Variants in ZNF544 observed in about 807,000 individuals in gnomAD.
The protein encoded by ZNF544 is zinc finger protein AF020591.
Under a neutral mutation model 13.5 loss-of-function variants are expected in ZNF544, and 10 were observed. That is an observed-to-expected ratio of 0.74 (90% CI 0.46 to 1.25). ZNF544 has a LOEUF of 1.25. Among genes scored for constraint, ZNF544 ranks in the 50% most tolerant of loss-of-function variants. The pLI, the probability that ZNF544 is intolerant of heterozygous loss-of-function variation, is 0.00. For missense variants in ZNF544, 896 were observed against 845.6 expected (o/e 1.06, Z -0.74); for synonymous variants, 323 against 300.5 (o/e 1.07, Z -0.77).
At chr19:58,242,297 T>TG (rs2044059915) in intron 3 of ZNF544, 1 of 984,804 alleles carries the variant, frequency 1.0e-6, no homozygotes, top group Admixed American at 6.2e-5. Context: ...TCCCAAGCCT[T>TG]TGAAGGGAAA....
intron 5 of ZNF544, among the ~76,000 whole-genome samples, chr19:58,276,069 C>T (rs887956532): frequency 2.6e-5 from 4 of 152,114 alleles, no homozygotes; most frequent in Non-Finnish European, 2.9e-5. Context: ...CCCAGCTACT[C>T]AGGAGGCTAA....
intron 6 of ZNF544, among the ~76,000 whole-genome samples, chr19:58,253,521 C>A (rs966734135): frequency 6.6e-6 from 1 of 152,202 alleles, no homozygotes; most frequent in African/African-American, 2.4e-5. Context: ...TCACTGCAAC[C>A]TTCATCTCCT....
downstream of ZNF544, chr19:58,263,645 T>TG: frequency 1.1e-6 from 1 of 931,612 alleles, no homozygotes; most frequent in Non-Finnish European, 1.3e-6. Flanking sequence ...GGCAGTAAAA[T>TG]CCAGGAGTCT....
At chr19:58,230,813 T>A (rs1178879125) in intron 3 of ZNF544, among the ~76,000 whole-genome samples, 1 of 152,128 alleles carries the variant, frequency 6.6e-6, no homozygotes, top group Non-Finnish European at 1.5e-5. Context: ...TGGATTCATC[T>A]TGACCAGGGA....
intron 4 of ZNF544, 149 bp from the exon 5 acceptor site, chr19:58,246,152 A>C (rs779068817): frequency 2.4e-5 from 25 of 1,060,668 alleles, no homozygotes; most frequent in Non-Finnish European, 3.3e-5. Flanking sequence ...TGCCTTGTAA[A>C]GACCCCACCT....
At position 58,243,966 on chromosome 19, in the gene ZNF544, CT is replaced by C. The variant is rs2044488972; in HGVS notation, c.-57del. ...ATCTCTGCTTGTTTTCCACCCCAGA[CT>C]GGTCTTCTGAGGACCTCTGCCCTCT... On this transcript the variant is annotated splice_region_variant and 5_prime_UTR_variant, in exon 4 of 7. It removes the in-frame stop codon of an upstream open reading frame in the 5' UTR. Transcript: ENST00000687789. The C allele has an allele frequency of 2.5e-6, 4 of 1,569,452 alleles. No individual in the cohort carries two copies. The Admixed American group carries it at 7.4e-5, about 29-fold the overall frequency.
At chr19:58,268,670 AAC>A (rs774072570), downstream of ZNF544, among the ~76,000 whole-genome samples, 1 of 152,226 alleles carries the variant, frequency 6.6e-6, no homozygotes, top group Non-Finnish European at 1.5e-5. Context: ...TAGATTAGCT[AAC>A]AGTTTAAAAC....
chr19:58,245,926 G>A (rs933764797), intron 4 of ZNF544: 8 of 335,778 alleles, frequency 2.4e-5, no homozygotes, highest in African/African-American at 6.5e-5. Flanking sequence ...GTCCCAGTCC[G>A]TTTGGGTTGC....
chr19:58,246,289 G>T lies in ZNF544; in HGVS notation c.34-12G>T, dbSNP rs1202133404. 1 of 1,613,744 alleles carries T rather than the reference G, an allele frequency of 6.2e-7. No individual in the cohort carries two copies. Among genetic ancestry groups the T allele is most frequent in the Non-Finnish European group, 8.5e-7 (1 of 1,179,860 alleles). On this transcript the variant is annotated splice_polypyrimidine_tract_variant and intron_variant, in intron 4 of 6. Transcript: ENST00000687789. ...CTGGGGTCTCTGAGCAGTAACAAGTGCCCTGTTTCAGGCATCTGTGTGCTT... is the reference window on the plus strand; with the variant it reads ...CTGGGGTCTCTGAGCAGTAACAAGTTCCCTGTTTCAGGCATCTGTGTGCTT...
intron 3 of ZNF544, chr19:58,242,389 T>G: frequency 3.6e-6 from 1 of 280,994 alleles, no homozygotes; most frequent in Non-Finnish European, 5.2e-6. Flanking sequence ...TTCCAGGGAA[T>G]TTTTTTTTTT....
chr19:58,230,714 A>G (rs1202234725), intron 3 of ZNF544, among the ~76,000 whole-genome samples: 1 of 152,154 alleles, frequency 6.6e-6, no homozygotes, highest in East Asian at 1.9e-4. Context: ...CAGGATGGGC[A>G]AGATGAGGAG....
At chr19:58,256,421 G>A in intron 6 of ZNF544, among the ~76,000 whole-genome samples, 1 of 152,042 alleles carries the variant, frequency 6.6e-6, no homozygotes, top group African/African-American at 2.4e-5. Context: ...TCGAGGAAGG[G>A]GCTTGATTAA....
Position 58,263,198 on chromosome 19 carries a change from C to A in ZNF544, c.*444C>A. The A allele has an allele frequency of 1.0e-6, 1 of 995,506 alleles. No individual in the cohort carries two copies. The highest frequency in any genetic ancestry group is 4.3e-5 in the South Asian group (1 of 23,006). The allele number at this position is 995,506 out of a possible 1,614,324, so 61.7% of individuals were successfully genotyped here. On this transcript the variant is annotated 3_prime_UTR_variant, in exon 7 of 7. Transcript: ENST00000687789. ...AGATGGAGCCGGGTGCAGTTGCCAA[C>A]ACTTGTAATCCCAGCAGTTTGCGAG...
At chr19:58,239,918 C>T (rs1332613423) in intron 3 of ZNF544, among the ~76,000 whole-genome samples, 1 of 149,434 alleles carries the variant, frequency 6.7e-6, no homozygotes, top group Non-Finnish European at 1.5e-5. Context: ...AAAAAAATTA[C>T]AGTGGTCAAA....
intron 5 of ZNF544, among the ~76,000 whole-genome samples, chr19:58,271,641 C>G (rs1259559959): frequency 6.6e-6 from 1 of 152,118 alleles, no homozygotes; most frequent in East Asian, 1.9e-4. Flanking sequence ...GGATGAGTGA[C>G]TGGGGCAGGA....
chr19:58,230,186 C>A, intron 2 of ZNF544: 1 of 152,392 alleles, frequency 6.6e-6, no homozygotes. Flanking sequence ...ACTCCCTCCC[C>A]AGCCCTGCAG....
At chr19:58,241,227 T>C (rs1480795530) in intron 3 of ZNF544, among the ~76,000 whole-genome samples, 1 of 79,194 alleles carries the variant, frequency 1.3e-5, no homozygotes, top group Non-Finnish European at 2.9e-5. Flanking sequence ...GCCCAGGCAG[T>C]TCTCGAACTC....
intron 5 of ZNF544, among the ~76,000 whole-genome samples, chr19:58,276,107 G>T (rs12980299): frequency 0.3 from 45,920 of 152,064 alleles, 8,206 homozygotes; most frequent in Middle Eastern, 0.45. Flanking sequence ...AGCCTGGGAA[G>T]TGGAGGTTAC....
intron 3 of ZNF544, among the ~76,000 whole-genome samples, chr19:58,241,154 T>TATTTTAATATTTATATTAA (rs2043577695): frequency 1.1e-5 from 1 of 89,830 alleles, no homozygotes; most frequent in Non-Finnish European, 2.1e-5. Context: ...AATATATATA[T>TATTTTAATATTTATATTAA]ATATTTAAAT....
Sources: gnomAD v4.1 joint callset for allele counts (sites outside exome capture counted in the v4.1 genomes callset) on GRCh38, gnomAD v4.1.1 for gene constraint, MANE v1.5 for transcripts, NCBI Gene and HGNC (gene_info 2026-07-23, HGNC 2026-07-21) for gene names.